The following PDE4D variants were observed in gnomAD, a reference collection of about 807,000 sequenced individuals.
PDE4D encodes phosphodiesterase 4D.
In PDE4D, 24 loss-of-function variants were observed where a neutral mutation model predicts 87.4. The observed-to-expected ratio is 0.27, with a 90% CI of 0.20 to 0.39. The LOEUF is 0.39. Ranked by LOEUF, PDE4D falls within the 10% of genes least tolerant of loss-of-function variation. The pLI is 1.00. For synonymous variants in PDE4D, 384 were observed against 383.2 expected (o/e 1.00, Z -0.02); for missense variants, 714 against 1,041.0 (o/e 0.69, Z 4.32).
chr5:59,587,470 A>C, intron 1 of PDE4D: 1 of 985,458 alleles, frequency 1.0e-6, no homozygotes, highest in Non-Finnish European at 1.2e-6. Context: ...CTTTTAAAAC[A>C]CAATGGCAAC....
At chr5:59,207,653 G>C (rs1031405851) in intron 2 of PDE4D, among the ~76,000 whole-genome samples, 1 of 151,866 alleles carries the variant, frequency 6.6e-6, no homozygotes, top group Non-Finnish European at 1.5e-5. Flanking sequence ...GTGTCTCATA[G>C]GATTGTGGAA....
intron 6 of PDE4D, among the ~76,000 whole-genome samples, chr5:58,997,760 T>C (rs1580183719): frequency 6.6e-6 from 1 of 152,092 alleles, no homozygotes. Flanking sequence ...AGTTAAGGCA[T>C]AAAGGAAAGT....
At chr5:60,237,031 T>G (rs939670116) in intron 1 of PDE4D, among the ~76,000 whole-genome samples, 1 of 151,886 alleles carries the variant, frequency 6.6e-6, no homozygotes, top group Non-Finnish European at 1.5e-5. Context: ...AAATTAAGAC[T>G]ATGATAAGAC....
At chr5:60,118,659 T>C (rs1408008867) in intron 2 of PDE4D, among the ~76,000 whole-genome samples, 1 of 151,468 alleles carries the variant, frequency 6.6e-6, no homozygotes, top group Non-Finnish European at 1.5e-5. Context: ...CATTCAGAAT[T>C]GAAATTCCAC....
Position 58,988,518 on chromosome 5 carries a change from C to T in PDE4D, c.1527G>A (p.Val509=), listed in dbSNP as rs765893132. The change falls in exon 11 of 15, where the codon GTG becomes GTA. Residue 509 remains valine (V), a synonymous_variant. Coordinates refer to ENST00000340635, the MANE Select transcript of PDE4D (RefSeq NM_001104631.2). ...TTGTATTGATCAGAAATTGATTGGA[C>T]ACACCAGGATGATCTACATCATGTA... ...SAIHDVDHPG[V]SNQFLINTNS... is the part of the protein sequence containing the mutation. The T allele has an allele frequency of 2.0e-6, 3 of 1,482,530 alleles. No individual in the cohort carries two copies. In the South Asian group the frequency reaches 4.1e-5, roughly 20 times the overall value. 91.8% of individuals were successfully genotyped at this position (1,482,530 alleles called of 1,614,324 possible).
At chr5:58,988,835 A>T (rs1747183819) in intron 10 of PDE4D, among the ~76,000 whole-genome samples, 1 of 152,144 alleles carries the variant, frequency 6.6e-6, no homozygotes. Context: ...TGTATTTTTT[A>T]AAATATTATT....
chr5:60,023,621 C>T (rs76445490), intron 2 of PDE4D, among the ~76,000 whole-genome samples: 4,369 of 152,244 alleles, frequency 0.029, 205 homozygotes, highest in African/African-American at 0.1. Flanking sequence ...TCTCTCCACT[C>T]CTAAAAGGGT....
intron 3 of PDE4D, among the ~76,000 whole-genome samples, chr5:59,902,644 A>G (rs1752399500): frequency 6.6e-6 from 1 of 152,152 alleles, no homozygotes; most frequent in African/African-American, 2.4e-5. Flanking sequence ...AATGCTGAAT[A>G]TTGTATAAGA....
rs1223666611 is a variant in PDE4D at position 60,106,950 on chromosome 5, T to A, written c.42+78607A>T. ...ACCCTAACATCACAATTAAAAGAAC[T>A]AGAAAAGCAAGAGCAAACACATTCA... is the stretch of plus-strand genomic sequence containing the variant. On this transcript the variant is annotated intron_variant, in intron 2 of 16. Coordinates refer to the PDE4D transcript ENST00000502484. Among the ~76,000 whole-genome samples, 43 of 151,222 alleles carry A rather than the reference T, an allele frequency of 2.8e-4. 1 individual carries two copies. The highest frequency in any genetic ancestry group is 9.9e-4 in the Admixed American group (15 of 15,214).
At chr5:60,312,102 C>T (rs1755094256) in intron 1 of PDE4D, among the ~76,000 whole-genome samples, 1 of 152,140 alleles carries the variant, frequency 6.6e-6, no homozygotes, top group African/African-American at 2.4e-5. Flanking sequence ...TAGTGGGAGA[C>T]TTCAACACCC....
At chr5:60,126,589 C>A (rs1387077499) in intron 2 of PDE4D, among the ~76,000 whole-genome samples, 2 of 152,152 alleles carry the variant, frequency 1.3e-5, no homozygotes, top group Non-Finnish European at 2.9e-5. Flanking sequence ...CTGTCTGAAA[C>A]AAAATGGCAC....
In PDE4D at chr5:59,798,780, T is replaced by C. The variant is rs192893493; in HGVS notation, c.455+94388A>G. Among the ~76,000 whole-genome samples the C allele has an allele frequency of 5.0e-3, 763 of 152,328 alleles. 12 individuals are homozygous for C. The highest frequency in any genetic ancestry group is 0.017 in the African/African-American group (725 of 41,574). On this transcript the variant is annotated intron_variant, in intron 1 of 14. Coordinates refer to ENST00000340635, the MANE Select transcript of PDE4D (RefSeq NM_001104631.2). ...TCCCATGTGTGAACAAGTTTTGTTTTGTTGGGGCAGAGGGAAGGCTGGTGG... is the reference window on the plus strand; with the variant it reads ...TCCCATGTGTGAACAAGTTTTGTTTCGTTGGGGCAGAGGGAAGGCTGGTGG...
intron 2 of PDE4D, among the ~76,000 whole-genome samples, chr5:59,205,969 T>C (rs1416757266): frequency 1.3e-5 from 2 of 152,168 alleles, no homozygotes; most frequent in African/African-American, 2.4e-5. Flanking sequence ...TGAGCAGTTA[T>C]TCTTTTTCTT....
intron 6 of PDE4D, among the ~76,000 whole-genome samples, chr5:59,027,161 G>T (rs192832649): frequency 6.6e-6 from 1 of 152,148 alleles, no homozygotes; most frequent in Non-Finnish European, 1.5e-5. Flanking sequence ...AGTTTCGAGG[G>T]TAGAATATCC....
chr5:60,370,059 G>T (rs1232441213), intron 1 of PDE4D, among the ~76,000 whole-genome samples: 1 of 152,034 alleles, frequency 6.6e-6, no homozygotes, highest in African/African-American at 2.4e-5. Flanking sequence ...GAGAACCCCT[G>T]CAGGATTTAT....
At position 59,112,816 on chromosome 5, in the gene PDE4D, T is replaced by C. The variant is rs1208030729; in HGVS notation, c.808+67779A>G. The stretch of plus-strand genomic sequence containing the variant: ...TCCTTTTTCTTTCTTTTTTTTTTTT[T>C]TGAGACAGAGTTTCGCTCTTGTTGC... On this transcript the variant is annotated intron_variant, in intron 5 of 14. Coordinates refer to ENST00000340635, the MANE Select transcript of PDE4D (RefSeq NM_001104631.2). Among the ~76,000 whole-genome samples the C allele has an allele frequency of 3.3e-5, 5 of 150,832 alleles. No homozygotes were observed. The East Asian group carries it at 7.7e-4, about 23-fold the overall frequency.
At chr5:59,998,205 C>A (rs1763692114) in intron 2 of PDE4D, among the ~76,000 whole-genome samples, 1 of 151,636 alleles carries the variant, frequency 6.6e-6, no homozygotes, top group South Asian at 2.1e-4. Flanking sequence ...AACATTGCCC[C>A]CATTTTTCAA....
At chr5:60,517,610 G>T (rs1229294272) in intron 1 of PDE4D, among the ~76,000 whole-genome samples, 2 of 152,068 alleles carry the variant, frequency 1.3e-5, no homozygotes, top group African/African-American at 4.8e-5. Flanking sequence ...CACATTTGAA[G>T]GGATGACCTG....
chr5:60,195,616 AC>A (rs1451845790), intron 1 of PDE4D, among the ~76,000 whole-genome samples: 1 of 151,628 alleles, frequency 6.6e-6, no homozygotes, highest in Non-Finnish European at 1.5e-5. Context: ...TATGCAATGA[AC>A]TGTGCTCTAG....
Sources: gnomAD v4.1 joint callset for allele counts (sites outside exome capture counted in the v4.1 genomes callset) on GRCh38, gnomAD v4.1.1 for gene constraint, MANE v1.5 for transcripts, NCBI Gene and HGNC (gene_info 2026-07-23, HGNC 2026-07-21) for gene names.